Variants in EP300 observed in about 807,000 individuals in gnomAD.
EP300 encodes the protein histone acetyltransferase p300.
Under a neutral mutation model 264.0 loss-of-function variants are expected in EP300, and 31 were observed. That is an observed-to-expected ratio of 0.12 (90% CI 0.09 to 0.16). The LOEUF is 0.16. EP300 is among the 10% of genes least tolerant of loss of function. The pLI is 1.00. For missense variants in EP300, 2,766 were observed against 3,052.9 expected (o/e 0.91, Z 2.21); for synonymous variants, 1,340 against 1,045.4 (o/e 1.28, Z -5.44).
At chr22:41,157,484 G>C in intron 18 of EP300, 76 bp downstream of exon 18, 2 of 910,914 alleles carry the variant, frequency 2.2e-6, no homozygotes, top group Middle Eastern at 2.7e-4. Context: ...TGGGATAAGA[G>C]AATATCCTGC....
In EP300 at chr22:41,170,439, A is replaced by G; in HGVS notation, c.4320A>G (p.Pro1440=). 6.2e-7 allele frequency: 1 copy of G among 1,614,128 alleles called. No individual in the cohort carries two copies. Among genetic ancestry groups the G allele is most frequent in the South Asian group, 1.1e-5 (1 of 91,078 alleles). ...CAGGGCATATTTGGGCATGTCCACC[A>G]AGTGAGGGAGATGATTATATCTTCC... is the stretch of plus-strand genomic sequence containing the variant. ...YTTGHIWACP[P]SEGDDYIFHC... The change falls in exon 27 of 31, where the codon CCA becomes CCG. Residue 1440 remains proline (P), a synonymous_variant. Transcript: ENST00000263253.
rs1006208836 is a variant in EP300, at chr22:41,150,950, A to G, written c.2817+752A>G. On this transcript the variant is annotated intron_variant, in intron 14 of 30. Coordinates refer to ENST00000263253, the MANE Select transcript of EP300 (RefSeq NM_001429.4). Reference sequence around the variant, plus strand: ...TTGTGGCCCAAACCAAAGTTTAAAAATAAGATGAGAGAATTATAGACCCAG... The same window carrying G: ...TTGTGGCCCAAACCAAAGTTTAAAAGTAAGATGAGAGAATTATAGACCCAG... Among the ~76,000 whole-genome samples the G allele has an allele frequency of 2.0e-5, 3 of 152,092 alleles. No homozygotes were observed. The East Asian group carries it at 5.8e-4, about 29-fold the overall frequency.
rs1168246655 is a variant in EP300 at position 41,125,932 on chromosome 22, A to G, written c.798A>G (p.Gly266=). The G allele has an allele frequency of 6.2e-7, 1 of 1,614,190 alleles. No homozygotes were observed. The highest frequency in any genetic ancestry group is 8.5e-7 in the Non-Finnish European group (1 of 1,180,026). The change falls in exon 3 of 31, where the codon GGA becomes GGG. Residue 266 remains glycine, a synonymous_variant. Transcript: ENST00000263253. ...PYTQNPGQQI[G]ASGLGLQIQT... ...CTCAGAATCCTGGACAGCAGATTGG[A>G]GCCAGTGGCCTTGGTCTCCAGATTC...
chr22:41,120,129 A>G (rs776839090), intron 2 of EP300, among the ~76,000 whole-genome samples: 3 of 152,194 alleles, frequency 2.0e-5, no homozygotes, highest in Admixed American at 6.5e-5. Context: ...ATCCACCTAT[A>G]TTGATATTTT....
At chr22:41,125,430 T>G (rs894283641) in intron 2 of EP300, among the ~76,000 whole-genome samples, 5 of 141,826 alleles carry the variant, frequency 3.5e-5, no homozygotes, top group East Asian at 1.9e-4. Context: ...TTTTTGGGGT[T>G]TTTTTTTTGT....
intron 2 of EP300, among the ~76,000 whole-genome samples, chr22:41,122,581 GTC>G (rs1226696255): frequency 1.3e-5 from 2 of 150,204 alleles, no homozygotes; most frequent in African/African-American, 2.5e-5. Flanking sequence ...ACTTACCTTA[GTC>G]TCTGAATTTC....
intron 29 of EP300, among the ~76,000 whole-genome samples, chr22:41,175,764 C>T (rs187051037): frequency 1.4e-4 from 21 of 152,350 alleles, no homozygotes; most frequent in Admixed American, 7.8e-4. Flanking sequence ...ATACCTCACC[C>T]AGACCATTGT....
At chr22:41,126,257 C>G in intron 3 of EP300, 1 of 562,434 alleles carries the variant, frequency 1.8e-6, no homozygotes, top group Non-Finnish European at 3.2e-6. Context: ...GCATGTTGAT[C>G]CAAACAGGAG....
chr22:41,141,378 ACAGAAG>A (rs2058981407), intron 10 of EP300, among the ~76,000 whole-genome samples, 156 bp downstream of exon 10: 1 of 152,256 alleles, frequency 6.6e-6, no homozygotes, highest in South Asian at 2.1e-4. Flanking sequence ...ACTAGTAAAA[ACAGAAG>A]CAGAACAAGT....
At chr22:41,141,665 CTTTT>C (rs77123676) in intron 10 of EP300, among the ~76,000 whole-genome samples, 18 of 146,122 alleles carry the variant, frequency 1.2e-4, no homozygotes, top group African/African-American at 4.5e-4. Flanking sequence ...TCTAGGAACT[CTTTT>C]TTTTTTTTTC....
intron 1 of EP300, among the ~76,000 whole-genome samples, chr22:41,100,885 T>C (rs1211572392): frequency 1.3e-5 from 2 of 152,196 alleles, no homozygotes; most frequent in East Asian, 1.9e-4. Flanking sequence ...GTCACGTATA[T>C]ATATATCATA....
At chr22:41,131,345 C>T (rs565520685) in intron 5 of EP300, 43 bp from the exon 6 acceptor site, 2 of 1,604,226 alleles carry the variant, frequency 1.2e-6, no homozygotes, top group South Asian at 1.1e-5. Context: ...TTTTTTTTCT[C>T]ACCAGCATTA....
intron 1 of EP300, among the ~76,000 whole-genome samples, chr22:41,109,854 C>A (rs1478870624): frequency 6.6e-6 from 1 of 150,670 alleles, no homozygotes; most frequent in Non-Finnish European, 1.5e-5. Flanking sequence ...TGCTCTGTTT[C>A]CCAGGCTGGA....
At chr22:41,132,827 A>G (rs1569098729) in intron 6 of EP300, among the ~76,000 whole-genome samples, 2 of 152,148 alleles carry the variant, frequency 1.3e-5, no homozygotes, top group African/African-American at 4.8e-5. Context: ...GAAGTGTTCC[A>G]GTATCCTAAT....
At chr22:41,114,414 C>T (rs576471165) in intron 1 of EP300, among the ~76,000 whole-genome samples, 111 of 152,132 alleles carry the variant, frequency 7.3e-4, no homozygotes, top group Non-Finnish European at 1.3e-3. Flanking sequence ...TGAGCTCGAG[C>T]CGTCTGCCCT....
At chr22:41,113,843 G>A (rs1456404304) in intron 1 of EP300, among the ~76,000 whole-genome samples, 1 of 152,186 alleles carries the variant, frequency 6.6e-6, no homozygotes, top group Non-Finnish European at 1.5e-5. Context: ...ACTGCGCCCG[G>A]CCTTTTTAAC....
At chr22:41,094,109 C>A (rs1236446396) in intron 1 of EP300, among the ~76,000 whole-genome samples, 2 of 152,192 alleles carry the variant, frequency 1.3e-5, no homozygotes, top group Admixed American at 1.3e-4. Flanking sequence ...TCCCTTCATT[C>A]TTTTCTTACA....
At chr22:41,098,405 T>C (rs1025642998) in intron 1 of EP300, among the ~76,000 whole-genome samples, 14 of 152,344 alleles carry the variant, frequency 9.2e-5, no homozygotes, top group African/African-American at 3.4e-4. Context: ...GGAGTCTCGC[T>C]CTGTCGCCCA....
intron 26 of EP300, among the ~76,000 whole-genome samples, chr22:41,170,124 G>T (rs2059161445): frequency 6.6e-6 from 1 of 152,212 alleles, no homozygotes; most frequent in Admixed American, 6.5e-5. Flanking sequence ...CAGACTTAGG[G>T]TTTTTGGATC....
Sources: gnomAD v4.1 joint callset for allele counts (sites outside exome capture counted in the v4.1 genomes callset) on GRCh38, gnomAD v4.1.1 for gene constraint, MANE v1.5 for transcripts, NCBI Gene and HGNC (gene_info 2026-07-23, HGNC 2026-07-21) for gene names.